Variants in ELMO1 observed in about 807,000 individuals in gnomAD.
ELMO1 encodes the protein engulfment and cell motility 1.
In ELMO1, 26 loss-of-function variants were observed where a neutral mutation model predicts 98.9. The ratio of observed to expected loss-of-function variants is 0.26; its 90% confidence interval spans 0.19 to 0.36. The LOEUF is 0.36. ELMO1 is among the 10% of genes least tolerant of loss of function. The pLI, the probability that ELMO1 is intolerant of heterozygous loss-of-function variation, is 1.00. For missense variants in ELMO1, 627 were observed against 935.2 expected, an observed-to-expected ratio of 0.67 and a Z score of 4.30; for synonymous variants, 346 against 346.0, an observed-to-expected ratio of 1.00 and a Z score of 0.00.
chr7:37,026,982 C>T (rs142252233), intron 15 of ELMO1, among the ~76,000 whole-genome samples: 1 of 152,240 alleles, frequency 6.6e-6, no homozygotes, highest in African/African-American at 2.4e-5. Flanking sequence ...TTCTATGTGG[C>T]TTTCATTATG....
chr7:37,368,542 C>A (rs1048176411), intron 1 of ELMO1, among the ~76,000 whole-genome samples: 1 of 152,146 alleles, frequency 6.6e-6, no homozygotes, highest in Non-Finnish European at 1.5e-5. Flanking sequence ...TCCCAAAGAA[C>A]CGGGAGGGAC....
intron 19 of ELMO1, among the ~76,000 whole-genome samples, chr7:36,872,090 C>T (rs897887825): frequency 5.3e-5 from 8 of 152,190 alleles, no homozygotes; most frequent in Non-Finnish European, 7.3e-5. Flanking sequence ...TCCCAGCAAC[C>T]TTTGCAGTCA....
chr7:37,072,880 A>T (rs1797356654), intron 15 of ELMO1, among the ~76,000 whole-genome samples: 1 of 152,248 alleles, frequency 6.6e-6, no homozygotes. Context: ...TAAAAGAGCC[A>T]AGAATGAGAC....
chr7:37,235,224 T>C (rs2046174252), intron 7 of ELMO1, among the ~76,000 whole-genome samples: 1 of 150,968 alleles, frequency 6.6e-6, no homozygotes, highest in Non-Finnish European at 1.5e-5. Context: ...AATCCAAATA[T>C]CAGATTGCAA....
chr7:37,166,652 G>C (rs1210611414), intron 13 of ELMO1, among the ~76,000 whole-genome samples: 2 of 151,738 alleles, frequency 1.3e-5, no homozygotes, highest in East Asian at 1.9e-4. Flanking sequence ...GCGTTTTTGA[G>C]TGAGTTTCTT....
intron 14 of ELMO1, among the ~76,000 whole-genome samples, chr7:37,117,892 T>TA (rs1438563924): frequency 1.3e-5 from 2 of 152,146 alleles, no homozygotes; most frequent in South Asian, 2.1e-4. Flanking sequence ...GTCACTCAGA[T>TA]AAAAAAAGGT....
intron 16 of ELMO1, among the ~76,000 whole-genome samples, chr7:36,953,388 C>T (rs1788155544): frequency 6.6e-6 from 1 of 152,184 alleles, no homozygotes; most frequent in Non-Finnish European, 1.5e-5. Context: ...CCAATTTTTA[C>T]AACCTGTCAG....
At chr7:37,109,151 A>G (rs1255363118) in intron 14 of ELMO1, among the ~76,000 whole-genome samples, 1 of 152,136 alleles carries the variant, frequency 6.6e-6, no homozygotes, top group African/African-American at 2.4e-5. Context: ...GACTCTCTGC[A>G]TTGAAGCATG....
chr7:37,183,465 A>AT (rs1791008022), intron 13 of ELMO1, among the ~76,000 whole-genome samples: 1 of 152,198 alleles, frequency 6.6e-6, no homozygotes, highest in Non-Finnish European at 1.5e-5. Flanking sequence ...CCAAAGCTTT[A>AT]TTTGTTCGTG....
chr7:37,350,370 A>G (rs1402058663), intron 1 of ELMO1, among the ~76,000 whole-genome samples: 5 of 152,180 alleles, frequency 3.3e-5, no homozygotes, highest in African/African-American at 1.2e-4. Context: ...CTTGCAATAT[A>G]ATGGAAACTT....
intron 6 of ELMO1, 122 bp downstream of exon 6, chr7:37,259,059 T>C (rs1795841773): frequency 3.4e-6 from 4 of 1,167,590 alleles, no homozygotes; most frequent in Non-Finnish European, 3.4e-6. Context: ...AACTATTTTT[T>C]TCCTGAGTCT....
intron 4 of ELMO1, among the ~76,000 whole-genome samples, chr7:37,287,110 T>C (rs544811653): frequency 1.3e-5 from 2 of 151,980 alleles, no homozygotes; most frequent in South Asian, 4.2e-4. Context: ...GAAGGATCGC[T>C]TGAACCCGGG....
intron 2 of ELMO1, among the ~76,000 whole-genome samples, chr7:37,339,258 C>T (rs1411997808): frequency 1.3e-5 from 2 of 152,216 alleles, no homozygotes; most frequent in African/African-American, 4.8e-5. Flanking sequence ...GCAGCTGGGG[C>T]TGCATTTTGC....
At chr7:37,445,157 T>G (rs529896904) in intron 1 of ELMO1, among the ~76,000 whole-genome samples, 6 of 152,324 alleles carry the variant, frequency 3.9e-5, no homozygotes, top group Admixed American at 3.9e-4. Context: ...ACTAAAGTGA[T>G]ATCATGATCC....
rs1315031382 is a variant in ELMO1 at position 37,211,366 on chromosome 7, A to G, written c.1086+20T>C. ...CGGGGAGGCTGGAGGGAGAGCGCAT[A>G]CTGGAGATAGCTTACTTACAATGAA... On this transcript the variant is annotated intron_variant, in intron 13 of 21. Transcript: ENST00000310758. The G allele has an allele frequency of 6.2e-7, 1 of 1,613,784 alleles. No individual in the cohort carries two copies. The highest frequency in any genetic ancestry group is 1.7e-5 in the Admixed American group (1 of 59,996).
intron 1 of ELMO1, among the ~76,000 whole-genome samples, chr7:37,420,038 A>G (rs1265001801): frequency 2.6e-5 from 4 of 152,176 alleles, no homozygotes; most frequent in Admixed American, 2.6e-4. Flanking sequence ...TTGGAGAAGG[A>G]GGATGTTTTC....
At chr7:36,875,675 C>G (rs933063139) in intron 19 of ELMO1, among the ~76,000 whole-genome samples, 1 of 152,176 alleles carries the variant, frequency 6.6e-6, no homozygotes, top group African/African-American at 2.4e-5. Flanking sequence ...CCCTGGCAAG[C>G]TGGCTCTCCC....
chr7:36,891,181 T>C (rs1805517744), intron 17 of ELMO1, among the ~76,000 whole-genome samples: 1 of 152,238 alleles, frequency 6.6e-6, no homozygotes, highest in Non-Finnish European at 1.5e-5. Flanking sequence ...TTATTCACCA[T>C]GTGTATTGTC....
chr7:37,205,189 T>C (rs577190963), intron 13 of ELMO1, among the ~76,000 whole-genome samples: 19 of 152,234 alleles, frequency 1.2e-4, no homozygotes, highest in Non-Finnish European at 2.2e-4. Context: ...AAAAGCTCCC[T>C]GGGGACTTCC....
Sources: allele counts gnomAD v4.1 joint callset (sites outside exome capture counted in the v4.1 genomes callset), GRCh38; gene constraint gnomAD v4.1.1; transcripts MANE v1.5; gene names NCBI Gene and HGNC (gene_info 2026-07-23, HGNC 2026-07-21).